The following SPHKAP variants were observed in gnomAD, a reference collection of about 807,000 sequenced individuals.
The protein encoded by SPHKAP is SPHK1 interactor, AKAP domain containing, also known as A-kinase anchor protein SPHKAP.
A neutral mutation model predicts 137.5 loss-of-function variants in SPHKAP; 67 were observed. The ratio of observed to expected loss-of-function variants is 0.49; its 90% CI spans 0.40 to 0.60. The LOEUF is 0.60. Ranked by LOEUF, SPHKAP falls within the 20% of genes least tolerant of loss-of-function variation. The pLI is 0.00. For missense variants in SPHKAP, 2,097 were observed against 2,069.3 expected (o/e 1.01, Z -0.26); for synonymous variants, 813 against 785.3 (o/e 1.04, Z -0.59).
At chr2:228,090,252 A>T (rs1418898803) in intron 3 of SPHKAP, among the ~76,000 whole-genome samples, 1 of 152,218 alleles carries the variant, frequency 6.6e-6, no homozygotes, top group African/African-American at 2.4e-5. Flanking sequence ...TTAAGACTTA[A>T]TGCCTGCCTT....
chr2:228,145,771 C>A (rs565667351), intron 1 of SPHKAP, among the ~76,000 whole-genome samples: 1 of 152,078 alleles, frequency 6.6e-6, no homozygotes, highest in Non-Finnish European at 1.5e-5. Flanking sequence ...TTGGCCTGCA[C>A]AGTATTAAAT....
intron 1 of SPHKAP, among the ~76,000 whole-genome samples, chr2:228,151,137 T>C (rs1198295500): frequency 4.1e-5 from 6 of 145,690 alleles, no homozygotes; most frequent in Non-Finnish European, 7.5e-5. Context: ...CCTGTGTCCA[T>C]GTGTTCTCAT....
intron 3 of SPHKAP, among the ~76,000 whole-genome samples, chr2:228,030,750 C>T (rs1215839075): frequency 6.6e-6 from 1 of 150,580 alleles, no homozygotes; most frequent in Non-Finnish European, 1.5e-5. Flanking sequence ...ACATTTTTGA[C>T]TAACTACTCT....
At chr2:228,148,746 C>G (rs916574796) in intron 1 of SPHKAP, among the ~76,000 whole-genome samples, 68 of 152,046 alleles carry the variant, frequency 4.5e-4, no homozygotes, top group African/African-American at 1.5e-3. Flanking sequence ...ACGGAGAGGA[C>G]CACACCCACA....
intron 7 of SPHKAP, among the ~76,000 whole-genome samples, chr2:228,000,419 C>T (rs893364403): frequency 6.6e-6 from 1 of 152,072 alleles, no homozygotes. Context: ...GAGATGGAGA[C>T]CATCGTGGCT....
At chr2:228,094,901 T>C (rs1247371363) in intron 3 of SPHKAP, among the ~76,000 whole-genome samples, 23 of 152,194 alleles carry the variant, frequency 1.5e-4, no homozygotes, top group Admixed American at 1.5e-3. Context: ...CTTTTTGTTT[T>C]TTTCTGTGTT....
intron 3 of SPHKAP, among the ~76,000 whole-genome samples, chr2:228,091,585 A>G (rs1232131814): frequency 6.6e-6 from 1 of 152,118 alleles, no homozygotes; most frequent in Non-Finnish European, 1.5e-5. Flanking sequence ...AAAGCAAACA[A>G]TCCCATTGAA....
At chr2:228,001,465 G>A (rs532000565) in intron 7 of SPHKAP, among the ~76,000 whole-genome samples, 76 of 131,106 alleles carry the variant, frequency 5.8e-4, no homozygotes, top group African/African-American at 6.6e-4. Context: ...GAATATATAC[G>A]TATATATAAA....
chr2:227,986,046 A>C (rs1268719889), intron 11 of SPHKAP, among the ~76,000 whole-genome samples: 1 of 152,154 alleles, frequency 6.6e-6, no homozygotes, highest in African/African-American at 2.4e-5. Flanking sequence ...ATTCTGATCT[A>C]ATTGGTTTGA....
At chr2:228,115,169 T>C (rs1698667464) in intron 2 of SPHKAP, among the ~76,000 whole-genome samples, 1 of 152,166 alleles carries the variant, frequency 6.6e-6, no homozygotes, top group Admixed American at 6.6e-5. Flanking sequence ...TCAATCATTT[T>C]CCTTATCTCC....
At position 227,981,854 on chromosome 2, in the gene SPHKAP, C is replaced by T. The variant is rs868703740; in HGVS notation, c.4966G>A (p.Asp1656Asn). The T allele has an allele frequency of 6.2e-7, 1 of 1,612,598 alleles. No homozygotes were observed. The highest frequency in any genetic ancestry group is 8.5e-7 in the Non-Finnish European group (1 of 1,179,242). ...SQENRIEKFL[D>N]VVQLVHRKSW... Reference sequence around the variant, plus strand: ...TTCCGATGAACCAGCTGCACGACATCTAGAAACTAAAATAAAACGGAGAGT... The same window carrying T: ...TTCCGATGAACCAGCTGCACGACATTTAGAAACTAAAATAAAACGGAGAGT... The change falls in exon 12 of 12, where the codon GAT becomes AAT. Residue 1656 changes from aspartate (D) to asparagine (N), a missense_variant. By Grantham distance (23) the Asp-to-Asn change is conservative (BLOSUM62 1). Transcript: ENST00000392056.
chr2:227,982,048 TG>T (rs199685435), intron 11 of SPHKAP, 188 bp from the exon 12 acceptor site: 12,081 of 850,752 alleles, frequency 0.014, no homozygotes, highest in Non-Finnish European at 0.015. Context: ...CTTCATCAAG[TG>T]AATTTTTTTT....
chr2:228,060,609 C>G (rs1315387969), intron 3 of SPHKAP, among the ~76,000 whole-genome samples: 2 of 152,138 alleles, frequency 1.3e-5, no homozygotes, highest in Non-Finnish European at 2.9e-5. Flanking sequence ...TTCTTTGTAA[C>G]TATGACTTAG....
chr2:228,166,970 T>G (rs1252076226), intron 1 of SPHKAP, among the ~76,000 whole-genome samples: 1 of 151,410 alleles, frequency 6.6e-6, no homozygotes, highest in African/African-American at 2.4e-5. Context: ...GAGGGGAGGG[T>G]GCCATACACT....
chr2:228,109,024 T>C, intron 2 of SPHKAP, 85 bp from the exon 3 acceptor site: 2 of 900,770 alleles, frequency 2.2e-6, no homozygotes, highest in South Asian at 2.1e-5. Context: ...TTTTTTCTTA[T>C]AAAAAAACCT....
chr2:228,137,837 A>G (rs1699483356), intron 1 of SPHKAP, among the ~76,000 whole-genome samples: 2 of 152,228 alleles, frequency 1.3e-5, no homozygotes, highest in South Asian at 4.1e-4. Context: ...TCTCAAGTGA[A>G]TGTTCTTATT....
chr2:228,114,257 A>T (rs1448374722), intron 2 of SPHKAP, among the ~76,000 whole-genome samples: 1 of 152,284 alleles, frequency 6.6e-6, no homozygotes, highest in East Asian at 1.9e-4. Flanking sequence ...GGTTAGGAAG[A>T]TCCTTTTGCT....
chr2:228,130,599 T>A (rs1699218293), intron 2 of SPHKAP, among the ~76,000 whole-genome samples: 1 of 152,204 alleles, frequency 6.6e-6, no homozygotes, highest in Non-Finnish European at 1.5e-5. Context: ...TAAACATATA[T>A]GTATTTTAAA....
intron 1 of SPHKAP, among the ~76,000 whole-genome samples, chr2:228,173,204 G>A (rs1365144964): frequency 6.6e-6 from 1 of 152,176 alleles, no homozygotes; most frequent in African/African-American, 2.4e-5. Flanking sequence ...AGGAAACAAG[G>A]AGAAAGAAAC....
Sources: allele counts gnomAD v4.1 joint callset (sites outside exome capture counted in the v4.1 genomes callset), GRCh38; gene constraint gnomAD v4.1.1; transcripts MANE v1.5; gene names NCBI Gene and HGNC (gene_info 2026-07-23, HGNC 2026-07-21).